Variants in ZNF521 observed in about 807,000 individuals in gnomAD.
ZNF521 encodes LYST-interacting protein 3.
Under a neutral mutation model 105.5 loss-of-function variants are expected in ZNF521, and 14 were observed. That is an observed-to-expected ratio of 0.13 (90% CI 0.09 to 0.21). The LOEUF is 0.21. ZNF521 is among the 10% of genes least tolerant of loss of function. The pLI is 1.00. For synonymous variants in ZNF521, 635 were observed against 606.0 expected, an observed-to-expected ratio of 1.05 and a Z score of -0.70; for missense variants, 1,233 against 1,629.7, an observed-to-expected ratio of 0.76 and a Z score of 4.19.
intron 3 of ZNF521, among the ~76,000 whole-genome samples, chr18:25,262,703 A>G (rs1448711710): frequency 6.6e-6 from 1 of 152,224 alleles, no homozygotes. Flanking sequence ...CCACAGTGTC[A>G]ATACCTGGCT....
At chr18:25,205,141 TAAAAAAAAAAAAA>T (rs34563599) in intron 4 of ZNF521, among the ~76,000 whole-genome samples, 12 of 74,912 alleles carry the variant, frequency 1.6e-4, no homozygotes, top group African/African-American at 6.8e-4. Flanking sequence ...GTAGTGAAGG[TAAAAAAAAAAAAA>T]AAAAAAAAAA....
chr18:25,297,179 C>T (rs894654812), intron 3 of ZNF521, among the ~76,000 whole-genome samples: 2 of 151,046 alleles, frequency 1.3e-5, no homozygotes, highest in Non-Finnish European at 3.0e-5. Flanking sequence ...GGCCATAAAA[C>T]AAGAGCCACA....
chr18:25,333,349 T>C (rs1317584654), intron 2 of ZNF521, among the ~76,000 whole-genome samples: 2 of 151,226 alleles, frequency 1.3e-5, no homozygotes, highest in African/African-American at 4.8e-5. Context: ...CATATATATA[T>C]GTAAATATAT....
At chr18:25,254,523 A>C (rs2144862864) in intron 3 of ZNF521, among the ~76,000 whole-genome samples, 1 of 152,214 alleles carries the variant, frequency 6.6e-6, no homozygotes, top group African/African-American at 2.4e-5. Context: ...ATGCTGGTTG[A>C]TTTGTGGTTG....
rs192025738 is a variant in ZNF521, at chr18:25,191,347, C to A, written c.3658+3813G>T. On this transcript the variant is annotated intron_variant, in intron 5 of 7. Transcript: ENST00000361524. ...ATCCTGACTACTTGTCCTCCAAAGTCCATAACTATAGTAATCAATTCCAAG... is the reference window on the plus strand; with the variant it reads ...ATCCTGACTACTTGTCCTCCAAAGTACATAACTATAGTAATCAATTCCAAG... Among the ~76,000 whole-genome samples, 7 of 152,274 alleles carry A rather than the reference C, an allele frequency of 4.6e-5. No homozygotes were observed. The East Asian group carries it at 1.4e-3, about 29-fold the overall frequency.
chr18:25,209,402 C>T (rs772361405), intron 4 of ZNF521, among the ~76,000 whole-genome samples: 12 of 152,160 alleles, frequency 7.9e-5, no homozygotes, highest in Admixed American at 3.9e-4. Flanking sequence ...TGAGCCATGG[C>T]GCCCGGCCAA....
chr18:25,153,280 A>C (rs1013138391), intron 5 of ZNF521, among the ~76,000 whole-genome samples: 1 of 152,204 alleles, frequency 6.6e-6, no homozygotes, highest in Non-Finnish European at 1.5e-5. Context: ...TCTCTAATAA[A>C]AATCTGTGCT....
chr18:25,349,936 C>T (rs1726627360), intron 2 of ZNF521, among the ~76,000 whole-genome samples: 1 of 151,696 alleles, frequency 6.6e-6, no homozygotes, highest in African/African-American at 2.4e-5. Flanking sequence ...CGCCGCCCGC[C>T]CTCCCCGCTC....
chr18:25,248,986 T>C (rs1389133976), intron 3 of ZNF521, among the ~76,000 whole-genome samples: 1 of 152,180 alleles, frequency 6.6e-6, no homozygotes, highest in East Asian at 1.9e-4. Context: ...GTTGACTGGT[T>C]GTGACAGAAA....
chr18:25,338,526 C>T (rs924196905), intron 2 of ZNF521, among the ~76,000 whole-genome samples: 1 of 152,120 alleles, frequency 6.6e-6, no homozygotes, highest in Non-Finnish European at 1.5e-5. Flanking sequence ...GATCTTCCCA[C>T]GTCAGCCTCC....
chr18:25,299,650 A>C (rs925569977), intron 3 of ZNF521, among the ~76,000 whole-genome samples: 1 of 152,206 alleles, frequency 6.6e-6, no homozygotes, highest in African/African-American at 2.4e-5. Context: ...TTTATAAATA[A>C]AGATTCCTGA....
intron 5 of ZNF521, among the ~76,000 whole-genome samples, chr18:25,128,408 G>A (rs2034576677): frequency 6.6e-6 from 1 of 151,860 alleles, no homozygotes; most frequent in Non-Finnish European, 1.5e-5. Flanking sequence ...CTGAAACAAG[G>A]CAAAGATGTC....
At chr18:25,328,402 A>C (rs1473315981) in intron 2 of ZNF521, among the ~76,000 whole-genome samples, 2 of 141,684 alleles carry the variant, frequency 1.4e-5, no homozygotes, top group African/African-American at 2.6e-5. Flanking sequence ...GGGGAGGTTA[A>C]ACACACACAC....
chr18:25,113,530 C>T lies in ZNF521; in HGVS notation c.3659-21449G>A, dbSNP rs572969747. Among the ~76,000 whole-genome samples, 3 of 152,012 alleles carry T rather than the reference C, an allele frequency of 2.0e-5. No homozygotes were observed. The South Asian group carries it at 6.2e-4, about 32-fold the overall frequency. On this transcript the variant is annotated intron_variant, in intron 5 of 7. Coordinates refer to ENST00000361524, the MANE Select transcript of ZNF521 (RefSeq NM_015461.3). ...AATGTTGTATCAGAATGCTTTAGTG[C>T]TATTTAGGTTTTTGGTGATTTACTA...
chr18:25,308,719 TCCAGTGATTTATTGGTCAAAG>T (rs1312503058), intron 3 of ZNF521, among the ~76,000 whole-genome samples: 3 of 141,654 alleles, frequency 2.1e-5, no homozygotes, highest in Middle Eastern at 3.9e-3. Context: ...GAACCTCTAT[TCCAGTGATTTATTGGTCAAAG>T]AGTAGGATCT....
chr18:25,298,129 C>T (rs1254046185), intron 3 of ZNF521, among the ~76,000 whole-genome samples: 1 of 152,134 alleles, frequency 6.6e-6, no homozygotes, highest in Non-Finnish European at 1.5e-5. Context: ...TGTTGAGTTA[C>T]TATTGTCAGA....
intron 3 of ZNF521, among the ~76,000 whole-genome samples, chr18:25,321,503 C>T (rs752618500): frequency 6.6e-6 from 1 of 152,146 alleles, no homozygotes; most frequent in Non-Finnish European, 1.5e-5. Flanking sequence ...AGCTTTCAGT[C>T]TAACGAGTGA....
intron 3 of ZNF521, among the ~76,000 whole-genome samples, chr18:25,290,726 T>G (rs1910968707): frequency 6.7e-6 from 1 of 150,304 alleles, no homozygotes; most frequent in Admixed American, 6.7e-5. Context: ...TTCTCGTGCC[T>G]CAGCCTCCTG....
intron 2 of ZNF521, among the ~76,000 whole-genome samples, chr18:25,341,422 C>A (rs926030868): frequency 3.3e-5 from 5 of 152,218 alleles, no homozygotes; most frequent in East Asian, 1.9e-4. Context: ...GCCTTAAATT[C>A]TTTAAACAAT....
Sources: gnomAD v4.1 joint callset for allele counts (sites outside exome capture counted in the v4.1 genomes callset) on GRCh38, gnomAD v4.1.1 for gene constraint, MANE v1.5 for transcripts, NCBI Gene and HGNC (gene_info 2026-07-23, HGNC 2026-07-21) for gene names.